NCOA3: variants seen among roughly 807,000 people sequenced by gnomAD.
The protein encoded by NCOA3 is CBP-interacting protein.
Under a neutral mutation model 158.8 loss-of-function variants are expected in NCOA3, and 51 were observed. The ratio of observed to expected loss-of-function variants is 0.32; its 90% CI spans 0.26 to 0.41. The LOEUF is 0.41. Among genes scored for constraint, NCOA3 ranks in the 10% least tolerant of loss-of-function variants. The probability of loss-of-function intolerance (pLI) is 1.00; values close to 1 mark genes in which losing one functional copy is unlikely to be tolerated. For missense variants in NCOA3, 1,510 were observed against 1,746.6 expected, an observed-to-expected ratio of 0.86 and a Z score of 2.41; for synonymous variants, 537 against 592.4, an observed-to-expected ratio of 0.91 and a Z score of 1.36.
rs577934140 is a variant in NCOA3, at chr20:47,641,107, C to T, written c.3080+1056C>T. On this transcript the variant is annotated intron_variant, in intron 16 of 22. Coordinates refer to ENST00000371998, the MANE Select transcript of NCOA3 (RefSeq NM_181659.3). ...TATATGAATTTATTTGAATGCTTCT[C>T]TACTCAATAGAGAGCAAATAGTTTC... Among the ~76,000 whole-genome samples the T allele has an allele frequency of 2.0e-5, 3 of 151,902 alleles. No individual in the cohort carries two copies. In the South Asian group the frequency reaches 6.2e-4, roughly 32 times the overall value.
At chr20:47,591,059 G>T (rs1474353605) in intron 2 of NCOA3, among the ~76,000 whole-genome samples, 1 of 152,084 alleles carries the variant, frequency 6.6e-6, no homozygotes, top group Non-Finnish European at 1.5e-5. Context: ...GCAGTGAGCC[G>T]AGATCGCACC....
chr20:47,561,048 G>C (rs12479571), intron 1 of NCOA3, among the ~76,000 whole-genome samples: 4 of 145,366 alleles, frequency 2.8e-5, no homozygotes, highest in African/African-American at 1.0e-4. Context: ...GCTCACTGCA[G>C]CTTGACTTCT....
intron 2 of NCOA3, among the ~76,000 whole-genome samples, chr20:47,603,744 C>T (rs140522723): frequency 1.4e-3 from 216 of 152,288 alleles, no homozygotes; most frequent in African/African-American, 4.8e-3. Context: ...CGTCCTCAGC[C>T]GAACTCCTCT....
At position 47,649,026 on chromosome 20, in the gene NCOA3, G is replaced by C. The variant is rs144021243; in HGVS notation, c.3568G>C (p.Ala1190Pro). 17 of 1,613,524 alleles carry C rather than the reference G, an allele frequency of 1.1e-5. No homozygotes were observed. The African/African-American group carries it at 2.0e-4, about 19-fold the overall frequency. The change falls in exon 19 of 23, where the codon GCA becomes CCA. Residue 1190 changes from alanine to proline, a missense_variant. Coordinates refer to ENST00000371998, the MANE Select transcript of NCOA3 (RefSeq NM_181659.3). ...GQQFLNQSRQ[A>P]LELKMENPTA... ...TCAGTTTTTGAATCAGAGCCGACAGGCACTTGAATTGAAAATGGAAAACCC... is the reference window on the plus strand; with the variant it reads ...TCAGTTTTTGAATCAGAGCCGACAGCCACTTGAATTGAAAATGGAAAACCC...
intron 2 of NCOA3, among the ~76,000 whole-genome samples, chr20:47,594,024 G>GTCA (rs2085700468): frequency 6.6e-6 from 1 of 151,962 alleles, no homozygotes; most frequent in South Asian, 2.1e-4. Context: ...ATCCTATAAG[G>GTCA]CAACGATTAC....
intron 2 of NCOA3, among the ~76,000 whole-genome samples, chr20:47,597,412 G>A: frequency 6.7e-6 from 1 of 148,498 alleles, no homozygotes; most frequent in East Asian, 2.0e-4. Context: ...CCACTCCTAT[G>A]TTTGGTCTAC....
chr20:47,639,154 G>A lies in NCOA3; in HGVS notation c.2659G>A (p.Gly887Arg), dbSNP rs757264951. The change falls in exon 14 of 23, where the codon GGG (glycine) becomes AGG (arginine). Residue 887 changes from glycine to arginine, a missense_variant. Physicochemically the swap from Gly to Arg is moderately radical, Grantham distance 125. Around this residue, in one of 4 missense-constraint regions of NCOA3, gnomAD observed 1,017 missense variants for 1,098.3 expected, o/e 0.93. Transcript: ENST00000371998. ...GTTACCAAAGCAACCCATGTTGGGT[G>A]GGAATCCAAGAATGATGGATAGTCA... ...PMLPKQPMLG[G>R]NPRMMDSQEN... 3 of 1,613,972 alleles carry A rather than the reference G, an allele frequency of 1.9e-6. No individual in the cohort carries two copies. The highest frequency in any genetic ancestry group is 2.7e-5 in the African/African-American group (2 of 74,880).
intron 6 of NCOA3, 83 bp from the exon 7 acceptor site, chr20:47,627,478 G>A (rs887564265): frequency 3.6e-6 from 4 of 1,112,396 alleles, no homozygotes; most frequent in Non-Finnish European, 5.2e-6. Context: ...TGCATAATGA[G>A]AAAATGCAGC....
intron 1 of NCOA3, among the ~76,000 whole-genome samples, chr20:47,536,602 G>A (rs1172773301): frequency 6.6e-6 from 1 of 152,132 alleles, no homozygotes; most frequent in East Asian, 1.9e-4. Context: ...AAAGCTTGTA[G>A]GGGCTCTTTG....
At chr20:47,534,883 A>G (rs2084607018) in intron 1 of NCOA3, among the ~76,000 whole-genome samples, 1 of 151,774 alleles carries the variant, frequency 6.6e-6, no homozygotes, top group Non-Finnish European at 1.5e-5. Context: ...CCATTGCACT[A>G]TAGCGTGGGT....
intron 1 of NCOA3, among the ~76,000 whole-genome samples, chr20:47,555,708 G>A (rs2084993898): frequency 7.2e-6 from 1 of 138,940 alleles, no homozygotes; most frequent in Admixed American, 8.0e-5. Flanking sequence ...GCACTATCTC[G>A]GTTCACTGCA....
chr20:47,516,921 A>T (rs886136029), intron 1 of NCOA3, among the ~76,000 whole-genome samples: 9 of 88,538 alleles, frequency 1.0e-4, no homozygotes, highest in Non-Finnish European at 1.6e-4. Context: ...CCCTGTCTTA[A>T]AAAAAAAAAA....
intron 1 of NCOA3, among the ~76,000 whole-genome samples, chr20:47,511,255 T>C (rs190759805): frequency 6.1e-5 from 9 of 147,466 alleles, no homozygotes; most frequent in Middle Eastern, 3.5e-3. Flanking sequence ...TTCTTTCTTT[T>C]TTTTTTTTTG....
chr20:47,643,160 C>T (rs549447855), intron 17 of NCOA3, among the ~76,000 whole-genome samples: 4 of 152,222 alleles, frequency 2.6e-5, no homozygotes, highest in African/African-American at 7.2e-5. Flanking sequence ...GTGATCCACT[C>T]GCCTTGGCCT....
At chr20:47,588,490 A>G (rs1482912120) in intron 2 of NCOA3, among the ~76,000 whole-genome samples, 1 of 152,070 alleles carries the variant, frequency 6.6e-6, no homozygotes, top group Non-Finnish European at 1.5e-5. Context: ...TAGGGTATTC[A>G]TTTGAAACAA....
chr20:47,539,149 G>A (rs1162089029), intron 1 of NCOA3, among the ~76,000 whole-genome samples: 1 of 152,024 alleles, frequency 6.6e-6, no homozygotes, highest in African/African-American at 2.4e-5. Context: ...TTCATTTCTT[G>A]TGCCATAGAA....
At chr20:47,630,827 G>A (rs569320673) in intron 8 of NCOA3, 3 of 154,406 alleles carry the variant, frequency 1.9e-5, no homozygotes, top group Non-Finnish European at 2.9e-5. Context: ...CTTCTTTCAA[G>A]TTATTTGTCT....
At chr20:47,597,695 T>G (rs1490514005) in intron 2 of NCOA3, among the ~76,000 whole-genome samples, 2 of 151,570 alleles carry the variant, frequency 1.3e-5, no homozygotes, top group East Asian at 3.9e-4. Flanking sequence ...CTCCATATTG[T>G]CCAGGCTGGT....
chr20:47,578,804 A>G (rs977778084), intron 1 of NCOA3, among the ~76,000 whole-genome samples: 1 of 152,172 alleles, frequency 6.6e-6, no homozygotes, highest in Non-Finnish European at 1.5e-5. Context: ...CTGTGATTTT[A>G]GGGAAGTGAG....
Sources: gnomAD v4.1 joint callset for allele counts (sites outside exome capture counted in the v4.1 genomes callset) on GRCh38, gnomAD v4.1.1 for gene constraint, gnomAD v4.1.1 regional missense constraint, MANE v1.5 for transcripts, NCBI Gene and HGNC (gene_info 2026-07-23, HGNC 2026-07-21) for gene names.